The following RPTOR variants were observed in gnomAD, a reference collection of about 807,000 sequenced individuals.
The protein encoded by RPTOR is regulatory-associated protein of mTOR.
RPTOR carries 21 observed loss-of-function variants against 169.9 expected under a neutral mutation model. That is an observed-to-expected ratio of 0.12 (90% confidence interval 0.09 to 0.18). RPTOR has a LOEUF of 0.18. Ranked by LOEUF, RPTOR falls within the 10% of genes least tolerant of loss-of-function variation. RPTOR has a pLI of 1.00. For missense variants in RPTOR, 1,133 were observed against 1,855.9 expected (o/e 0.61, Z 7.16); for synonymous variants, 732 against 753.2 (o/e 0.97, Z 0.46).
chr17:80,599,227 G>A (rs372441154), intron 1 of RPTOR, among the ~76,000 whole-genome samples: 6 of 152,122 alleles, frequency 3.9e-5, no homozygotes, highest in South Asian at 2.1e-4. Context: ...AGGAAACCCC[G>A]CAGCCATGCG....
chr17:80,734,085 A>G (rs2066414986), intron 5 of RPTOR, among the ~76,000 whole-genome samples: 2 of 152,258 alleles, frequency 1.3e-5, no homozygotes, highest in African/African-American at 4.8e-5. Flanking sequence ...GTACCTGATT[A>G]TGACCACATA....
chr17:80,713,717 A>C (rs1290871585), intron 4 of RPTOR, among the ~76,000 whole-genome samples: 1 of 152,198 alleles, frequency 6.6e-6, no homozygotes, highest in Non-Finnish European at 1.5e-5. Flanking sequence ...GATGATAAAG[A>C]GGGCCATTTC....
intron 28 of RPTOR, among the ~76,000 whole-genome samples, chr17:80,956,737 G>A (rs1010469566): frequency 6.6e-6 from 1 of 152,072 alleles, no homozygotes; most frequent in Non-Finnish European, 1.5e-5. Context: ...TGCTCTGAAC[G>A]GTGGGCACCT....
intron 24 of RPTOR, among the ~76,000 whole-genome samples, chr17:80,935,040 T>G (rs1410721384): frequency 1.3e-5 from 2 of 149,758 alleles, no homozygotes; most frequent in Non-Finnish European, 3.0e-5. Flanking sequence ...AAAAAAGGCA[T>G]TATACAAAAA....
intron 3 of RPTOR, among the ~76,000 whole-genome samples, chr17:80,668,345 C>T (rs1242917886): frequency 6.6e-6 from 1 of 152,118 alleles, no homozygotes; most frequent in East Asian, 1.9e-4. Flanking sequence ...CATCATGTTC[C>T]TAGGCTGGCA....
Position 80,878,482 on chromosome 17 carries a change from G to A in RPTOR, c.1510-1933G>A, listed in dbSNP as rs1029415810. Among the ~76,000 whole-genome samples, 3 of 152,080 alleles carry A rather than the reference G, an allele frequency of 2.0e-5. No homozygotes were observed. The highest frequency in any genetic ancestry group is 1.3e-4 in the Admixed American group (2 of 15,268). On this transcript the variant is annotated intron_variant, in intron 13 of 33. Transcript: ENST00000306801. The surrounding 1 kb of genome is among the most constrained non-coding windows in gnomAD (Gnocchi z 4.1). The stretch of plus-strand genomic sequence containing the variant: ...CTGCCTCAGCCTCCCGAGTAGCTGG[G>A]ACTACAGGCACGCACCACCACACCC...
chr17:80,564,994 A>T (rs984082311), intron 1 of RPTOR, among the ~76,000 whole-genome samples: 13 of 152,140 alleles, frequency 8.5e-5, no homozygotes, highest in African/African-American at 3.1e-4. Flanking sequence ...GATCTCTGGC[A>T]TGTACCACAT....
intron 7 of RPTOR, chr17:80,804,891 A>T (rs536459086): frequency 6.6e-6 from 1 of 152,332 alleles, no homozygotes; most frequent in Admixed American, 6.5e-5. Flanking sequence ...AAATGAGGGG[A>T]TGTGTACAGC....
intron 1 of RPTOR, among the ~76,000 whole-genome samples, chr17:80,598,173 G>C (rs2065158229): frequency 6.6e-6 from 1 of 151,996 alleles, no homozygotes; most frequent in African/African-American, 2.4e-5. Flanking sequence ...TGAGATGTGG[G>C]GCGTGTGGAA....
At chr17:80,798,042 T>G (rs1212141020) in intron 7 of RPTOR, among the ~76,000 whole-genome samples, 1 of 152,198 alleles carries the variant, frequency 6.6e-6, no homozygotes, top group Non-Finnish European at 1.5e-5. Context: ...ACTGAACATG[T>G]CAGCCATGTT....
chr17:80,550,793 C>T (rs1264699656), intron 1 of RPTOR, among the ~76,000 whole-genome samples: 1 of 152,190 alleles, frequency 6.6e-6, no homozygotes, highest in Non-Finnish European at 1.5e-5. Context: ...GTCCAGGCAG[C>T]CACCGTCTCT....
intron 28 of RPTOR, among the ~76,000 whole-genome samples, chr17:80,954,322 A>G (rs1344601055): frequency 6.6e-6 from 1 of 151,998 alleles, no homozygotes; most frequent in East Asian, 1.9e-4. Context: ...GTGTTTCACT[A>G]TGTTGGCCAG....
In RPTOR at chr17:80,957,712, C is replaced by A; in HGVS notation, c.3459C>A (p.Asp1153Glu). The A allele has an allele frequency of 6.2e-7, 1 of 1,614,052 alleles. No individual in the cohort carries two copies. ...GGATCGTCCGGATCTGGGACACAGA[C>A]CGTGAGATGAAGGTGCAGGTAACCA... Reference protein sequence around the residue: ...DVRIVRIWDTDREMKVQDIPT... With the variant: ...DVRIVRIWDTEREMKVQDIPT... The change falls in exon 29 of 34, where the codon GAC becomes GAA. Residue 1153 changes from aspartate (D) to glutamate (E), a missense_variant. Physicochemically the swap from Asp to Glu is conservative, Grantham distance 45. Transcript: ENST00000306801. The surrounding 1 kb of genome is among the most constrained non-coding windows in gnomAD (Gnocchi z 4.6).
intron 2 of RPTOR, among the ~76,000 whole-genome samples, chr17:80,634,840 AC>A (rs1414442725): frequency 1.7e-5 from 2 of 115,188 alleles, no homozygotes; most frequent in Non-Finnish European, 3.5e-5. Context: ...GTGTGTGCAT[AC>A]CGTGTGTGTG....
chr17:80,833,441 A>G (rs1372374632), intron 9 of RPTOR, among the ~76,000 whole-genome samples: 1 of 152,156 alleles, frequency 6.6e-6, no homozygotes, highest in Non-Finnish European at 1.5e-5. Flanking sequence ...GGGAAGTGCT[A>G]ATCCAGACAC....
chr17:80,897,303 G>A lies in RPTOR; in HGVS notation c.2401+3438G>A, dbSNP rs141218773. ...CTGTGTTTCTCTCTTGAGAGTAAAC[G>A]AAACCTTTCTAACCTTTTACCTTTG... On this transcript the variant is annotated intron_variant, in intron 20 of 33. Transcript: ENST00000306801. Among the ~76,000 whole-genome samples, 59 of 151,822 alleles carry A rather than the reference G, an allele frequency of 3.9e-4. 1 individual carries two copies. The East Asian group carries it at 0.011, about 27-fold the overall frequency.
Position 80,860,082 on chromosome 17 carries a change from T to C in RPTOR, c.1509+2182T>C, listed in dbSNP as rs1215522275. 6.6e-6 allele frequency among the ~76,000 whole-genome samples: 1 copy of C among 152,126 alleles called. No homozygotes were observed. The highest frequency in any genetic ancestry group is 1.5e-5 in the Non-Finnish European group (1 of 68,000). On this transcript the variant is annotated intron_variant, in intron 13 of 33. Transcript: ENST00000306801. This position sits in a 1 kb window ranked among gnomAD's most constrained non-coding sequence, Gnocchi z 5.8. The stretch of plus-strand genomic sequence containing the variant: ...ACCCTTTCCTTTTCTGTGTGGCAGG[T>C]GAGGGGAGAGTGGACGGAGCTTAAG...
chr17:80,758,532 G>A (rs2066703068), intron 6 of RPTOR, among the ~76,000 whole-genome samples: 1 of 152,178 alleles, frequency 6.6e-6, no homozygotes, highest in Non-Finnish European at 1.5e-5. Flanking sequence ...AGACCTTGGT[G>A]ACCATTAGGC....
chr17:80,831,689 CTA>C (rs2067504865), intron 9 of RPTOR, among the ~76,000 whole-genome samples: 2 of 152,210 alleles, frequency 1.3e-5, no homozygotes, highest in African/African-American at 2.4e-5. Flanking sequence ...TTGTGTATCA[CTA>C]TGTATCCCTG....
Sources: gnomAD v4.1 joint callset for allele counts (sites outside exome capture counted in the v4.1 genomes callset) on GRCh38, gnomAD v4.1.1 for gene constraint, Gnocchi (gnomAD v3.1) non-coding constraint, MANE v1.5 for transcripts, NCBI Gene and HGNC (gene_info 2026-07-23, HGNC 2026-07-21) for gene names.